CUL5: variants seen among roughly 807,000 people sequenced by gnomAD.
CUL5 encodes cullin-5.
Under a neutral mutation model 108.8 loss-of-function variants are expected in CUL5, and 26 were observed. The ratio of observed to expected loss-of-function variants is 0.24; its 90% CI spans 0.18 to 0.33. CUL5 has a LOEUF of 0.33. Ranked by LOEUF, CUL5 falls within the 10% of genes least tolerant of loss-of-function variation. CUL5 has a pLI of 1.00. For synonymous variants in CUL5, 334 were observed against 298.0 expected (o/e 1.12, Z -1.25); for missense variants, 524 against 909.2 (o/e 0.58, Z 5.45).
At chr11:108,019,330 C>G (rs1268119773) in intron 1 of CUL5, among the ~76,000 whole-genome samples, 2 of 151,958 alleles carry the variant, frequency 1.3e-5, no homozygotes, top group Non-Finnish European at 2.9e-5. Flanking sequence ...TAACTGGGAG[C>G]AATAGTGGCT....
At chr11:108,043,518 C>G (rs1412764829) in intron 2 of CUL5, among the ~76,000 whole-genome samples, 1 of 152,086 alleles carries the variant, frequency 6.6e-6, no homozygotes, top group Admixed American at 6.5e-5. Context: ...TATGATGTGA[C>G]TTGAGTTTTG....
At chr11:108,072,244 C>T (rs1863843861) in intron 8 of CUL5, 88 bp from the exon 9 acceptor site, 3 of 1,100,122 alleles carry the variant, frequency 2.7e-6, no homozygotes, top group African/African-American at 3.2e-5. Context: ...CCACAGAATA[C>T]TATTAACATT....
intron 8 of CUL5, among the ~76,000 whole-genome samples, chr11:108,070,709 A>G (rs796643714): frequency 2.6e-5 from 4 of 152,256 alleles, no homozygotes; most frequent in African/African-American, 9.6e-5. Flanking sequence ...AAAATTGTAC[A>G]TATACCTACT....
At chr11:108,070,277 C>A (rs1863787499) in intron 8 of CUL5, 88 bp downstream of exon 8, 1 of 906,654 alleles carries the variant, frequency 1.1e-6, no homozygotes, top group Admixed American at 1.9e-5. Context: ...TTAGTTAATT[C>A]TTTTCCACAT....
At chr11:108,012,653 T>A (rs111300588) in intron 1 of CUL5, among the ~76,000 whole-genome samples, 16,986 of 151,814 alleles carry the variant, frequency 0.11, 959 homozygotes, top group South Asian at 0.13. Flanking sequence ...TGGAGTGCAG[T>A]GGTGTGGATC....
Position 108,043,640 on chromosome 11 carries a change from T to A in CUL5, c.135-2630T>A, listed in dbSNP as rs374877910. Reference sequence around the variant, plus strand: ...TGGCTCCACCATAAACTTAACTGTATAATCTTGGATTGTTTTTCCTTCAAT... The same window carrying A: ...TGGCTCCACCATAAACTTAACTGTAAAATCTTGGATTGTTTTTCCTTCAAT... On this transcript the variant is annotated intron_variant, in intron 2 of 18. Coordinates refer to ENST00000393094, the MANE Select transcript of CUL5 (RefSeq NM_003478.6). Among the ~76,000 whole-genome samples, 13 of 152,332 alleles carry A rather than the reference T, an allele frequency of 8.5e-5. No homozygotes were observed. The East Asian group carries it at 1.5e-3, about 18-fold the overall frequency.
chr11:108,067,816 ATTCCAGTGATGTTATAGAATAAG>A (rs1565255714), intron 7 of CUL5, among the ~76,000 whole-genome samples: 5 of 152,190 alleles, frequency 3.3e-5, no homozygotes, highest in African/African-American at 1.2e-4. Context: ...AGTTGGGCCT[ATTCCAGTGATGTTATAGAATAAG>A]ATTACTCAGC....
chr11:108,011,040 C>T (rs1404397855), intron 1 of CUL5, among the ~76,000 whole-genome samples: 5 of 152,152 alleles, frequency 3.3e-5, no homozygotes, highest in African/African-American at 9.7e-5. Flanking sequence ...TCTGAAGACT[C>T]CTATTAATGC....
chr11:108,029,377 A>C (rs558701724), intron 1 of CUL5, among the ~76,000 whole-genome samples: 1 of 152,354 alleles, frequency 6.6e-6, no homozygotes, highest in East Asian at 1.9e-4. Context: ...AGTGAATGAG[A>C]GAATTGTAGA....
chr11:108,016,521 A>C (rs941828682), intron 1 of CUL5, among the ~76,000 whole-genome samples: 1 of 152,204 alleles, frequency 6.6e-6, no homozygotes, highest in Non-Finnish European at 1.5e-5. Context: ...AAGTGCTGGG[A>C]TTACTGGCGT....
rs1864833062 is a variant in CUL5, at chr11:108,107,648, TAGC to T, written c.*3267_*3269del. On this transcript the variant is annotated 3_prime_UTR_variant, in exon 19 of 19. Coordinates refer to ENST00000393094, the MANE Select transcript of CUL5 (RefSeq NM_003478.6). Reference sequence around the variant, plus strand: ...GATAATGCTGTACAATTTTAAGTGGTAGCAGTTTCTGTATGCAGTAGGCTGAAA... The same window carrying T: ...GATAATGCTGTACAATTTTAAGTGGTAGTTTCTGTATGCAGTAGGCTGAAA... 1.3e-5 allele frequency: 2 copies of T among 152,672 alleles called. No homozygotes were observed. Among genetic ancestry groups the T allele is most frequent in the African/African-American group, 2.4e-5 (1 of 41,470 alleles). The allele number at this position is 152,672 out of a possible 1,614,324, so 9.5% of individuals were successfully genotyped here. A position where few individuals can be genotyped will look rare whatever the true frequency, so the allele number is the denominator to read the frequency against.
chr11:108,082,650 G>C (rs1300847813), intron 11 of CUL5, among the ~76,000 whole-genome samples: 2 of 150,578 alleles, frequency 1.3e-5, no homozygotes, highest in Non-Finnish European at 3.0e-5. Context: ...TTTTTTTTCT[G>C]TTTCTTTTTT....
At chr11:108,020,474 A>G (rs1473594105) in intron 1 of CUL5, among the ~76,000 whole-genome samples, 1 of 152,162 alleles carries the variant, frequency 6.6e-6, no homozygotes, top group Admixed American at 6.5e-5. Context: ...TTTAATAGAA[A>G]AGTTTATAGA....
intron 1 of CUL5, among the ~76,000 whole-genome samples, chr11:108,016,992 A>G (rs899986835): frequency 1.3e-5 from 2 of 152,204 alleles, no homozygotes; most frequent in Admixed American, 1.3e-4. Flanking sequence ...ACATTGGTCA[A>G]ATCCATGGAG....
intron 11 of CUL5, among the ~76,000 whole-genome samples, chr11:108,082,008 G>A (rs190395152): frequency 6.6e-6 from 1 of 152,266 alleles, no homozygotes; most frequent in Admixed American, 6.5e-5. Context: ...AAGACCTTTG[G>A]AATTTTGATA....
chr11:108,012,527 T>C (rs1383757312), intron 1 of CUL5, among the ~76,000 whole-genome samples: 20 of 150,330 alleles, frequency 1.3e-4, no homozygotes, highest in African/African-American at 4.6e-4. Flanking sequence ...CTCTTACTTT[T>C]TTTTTTTTTT....
intron 1 of CUL5, among the ~76,000 whole-genome samples, chr11:108,026,861 C>T (rs1862463447): frequency 6.6e-6 from 1 of 151,712 alleles, no homozygotes; most frequent in Admixed American, 6.6e-5. Context: ...TGGTGGCGGG[C>T]ACCTGTATTC....
chr11:108,016,836 A>G (rs1862205116), intron 1 of CUL5, among the ~76,000 whole-genome samples: 1 of 152,186 alleles, frequency 6.6e-6, no homozygotes, highest in Admixed American at 6.5e-5. Flanking sequence ...AGCTCAGGTT[A>G]AAACTTTGGT....
intron 12 of CUL5, among the ~76,000 whole-genome samples, chr11:108,089,007 G>C (rs1035008714): frequency 1.3e-5 from 2 of 152,050 alleles, no homozygotes; most frequent in African/African-American, 4.8e-5. Flanking sequence ...GTCCAAGATA[G>C]ATAGCAAGGG....
Sources: allele counts gnomAD v4.1 joint callset (sites outside exome capture counted in the v4.1 genomes callset), GRCh38; gene constraint gnomAD v4.1.1; transcripts MANE v1.5; gene names NCBI Gene and HGNC (gene_info 2026-07-23, HGNC 2026-07-21).